GABRB1: variants seen among roughly 807,000 people sequenced by gnomAD.
GABRB1 encodes the protein gamma-aminobutyric acid type A receptor subunit beta1.
A neutral mutation model predicts 51.6 loss-of-function variants in GABRB1; 17 were observed. That is an observed-to-expected ratio of 0.33 (90% CI 0.23 to 0.49). GABRB1 has a LOEUF of 0.49. Ranked by LOEUF, GABRB1 falls within the 20% of genes least tolerant of loss-of-function variation. The probability of loss-of-function intolerance (pLI) is 0.99; values close to 1 mark genes in which losing one functional copy is unlikely to be tolerated. For synonymous variants in GABRB1, 247 were observed against 218.9 expected (o/e 1.13, Z -1.14); for missense variants, 410 against 600.6 (o/e 0.68, Z 3.32).
At chr4:47,174,786 T>G (rs1401505224) in intron 4 of GABRB1, among the ~76,000 whole-genome samples, 3 of 152,120 alleles carry the variant, frequency 2.0e-5, no homozygotes, top group African/African-American at 7.2e-5. Context: ...GGTAGGGTAT[T>G]TCAAAGGCTC....
chr4:47,348,320 A>T (rs1490042985), intron 5 of GABRB1, among the ~76,000 whole-genome samples: 1 of 152,242 alleles, frequency 6.6e-6, no homozygotes, highest in Non-Finnish European at 1.5e-5. Context: ...TTGTTGCAGC[A>T]TATAAACTCA....
intron 1 of GABRB1, among the ~76,000 whole-genome samples, chr4:47,010,156 G>A (rs1724543866): frequency 6.6e-6 from 1 of 152,194 alleles, no homozygotes; most frequent in African/African-American, 2.4e-5. Flanking sequence ...GGCACACACT[G>A]TCTTGTCCTT....
At chr4:47,351,769 A>G (rs1384628417) in intron 5 of GABRB1, among the ~76,000 whole-genome samples, 21 of 151,604 alleles carry the variant, frequency 1.4e-4, no homozygotes, top group African/African-American at 3.4e-4. Flanking sequence ...ATAGTATTCC[A>G]TGGTGTATAT....
In GABRB1 at chr4:47,246,299, TACAC is replaced by T. The variant is rs59187371; in HGVS notation, c.462-73800_462-73797del. ...CATCATATATATATATATATATATATACACACACACACACACACACACACACACA... is the reference window on the plus strand; with the variant it reads ...CATCATATATATATATATATATATATACACACACACACACACACACACACA... On this transcript the variant is annotated intron_variant, in intron 4 of 8. Transcript: ENST00000295454. Among the ~76,000 whole-genome samples the T allele has an allele frequency of 2.8e-3, 235 of 84,090 alleles. 6 individuals carry two copies. The highest frequency in any genetic ancestry group is 3.3e-3 in the South Asian group (8 of 2,420). The allele number at this position is 84,090 out of a possible 152,430, so 55.2% of individuals were successfully genotyped here. A position where few individuals can be genotyped will look rare whatever the true frequency, so the allele number is the denominator to read the frequency against.
intron 3 of GABRB1, among the ~76,000 whole-genome samples, chr4:47,062,300 CT>C (rs76714501): frequency 0.011 from 1,552 of 136,740 alleles, 11 homozygotes; most frequent in African/African-American, 0.029. Context: ...GAAGCAATGT[CT>C]TTTTTTTTTT....
chr4:47,332,437 G>T (rs1725519744), intron 5 of GABRB1, among the ~76,000 whole-genome samples: 2 of 152,110 alleles, frequency 1.3e-5, no homozygotes, highest in Non-Finnish European at 2.9e-5. Context: ...CTTATGAGGG[G>T]TCTTGGATTT....
chr4:47,425,392 C>CAT (rs1729236450), intron 8 of GABRB1, among the ~76,000 whole-genome samples: 1 of 151,228 alleles, frequency 6.6e-6, no homozygotes, highest in African/African-American at 2.4e-5. Context: ...CACACACACA[C>CAT]ACACACACAC....
At chr4:47,309,328 GT>G (rs1254993047) in intron 4 of GABRB1, among the ~76,000 whole-genome samples, 1 of 151,848 alleles carries the variant, frequency 6.6e-6, no homozygotes, top group Non-Finnish European at 1.5e-5. Flanking sequence ...TTATAAAGTG[GT>G]TCATGAATCA....
chr4:47,095,235 A>T (rs911187538), intron 3 of GABRB1, among the ~76,000 whole-genome samples: 4 of 151,946 alleles, frequency 2.6e-5, no homozygotes, highest in African/African-American at 9.7e-5. Context: ...TCATAACACC[A>T]GTTTCCCAAA....
chr4:47,340,154 C>G (rs1725831956), intron 5 of GABRB1, among the ~76,000 whole-genome samples: 1 of 152,092 alleles, frequency 6.6e-6, no homozygotes, highest in African/African-American at 2.4e-5. Flanking sequence ...CTTGGAAAAT[C>G]TGGTGAGGAG....
chr4:47,389,236 G>T lies in GABRB1; in HGVS notation c.545-14082G>T, dbSNP rs370765529. Among the ~76,000 whole-genome samples, 182 of 152,182 alleles carry T rather than the reference G, an allele frequency of 1.2e-3. 6 individuals carry two copies. The South Asian group carries it at 0.035, about 29-fold the overall frequency. On this transcript the variant is annotated intron_variant, in intron 5 of 8. Coordinates refer to ENST00000295454, the MANE Select transcript of GABRB1 (RefSeq NM_000812.4). ...CTAAGTTTCATTATCCCCTTATAAG[G>T]TTATCCCCATCCCCTTCCCTGCTTA...
chr4:47,161,213 A>C (rs1717941700), intron 3 of GABRB1, 36 bp from the exon 4 acceptor site: 1 of 1,289,378 alleles, frequency 7.8e-7, no homozygotes, highest in African/African-American at 1.5e-5. Context: ...ATGATAGTAA[A>C]ATTCTTTTTT....
intron 5 of GABRB1, among the ~76,000 whole-genome samples, chr4:47,392,393 A>C (rs1336652605): frequency 2.0e-5 from 3 of 148,266 alleles, no homozygotes; most frequent in Non-Finnish European, 4.4e-5. Context: ...GGCTGAATGA[A>C]GTGCAATGAC....
chr4:47,186,715 G>A (rs1403514165), intron 4 of GABRB1, among the ~76,000 whole-genome samples: 1 of 151,766 alleles, frequency 6.6e-6, no homozygotes, highest in Non-Finnish European at 1.5e-5. Context: ...TCTACTAAAA[G>A]CAATAGCATC....
At chr4:47,092,161 C>CT (rs1328540176) in intron 3 of GABRB1, among the ~76,000 whole-genome samples, 1,402 of 67,804 alleles carry the variant, frequency 0.021, 177 homozygotes, top group African/African-American at 0.066. Flanking sequence ...TTCTTTCTTT[C>CT]TTTCTTTTTT....
At chr4:47,317,071 G>A (rs971047603) in intron 4 of GABRB1, among the ~76,000 whole-genome samples, 3 of 151,842 alleles carry the variant, frequency 2.0e-5, no homozygotes, top group Admixed American at 6.6e-5. Flanking sequence ...CATTGTAGCA[G>A]GATGTCTTAA....
At chr4:47,365,137 C>G (rs1449702120) in intron 5 of GABRB1, among the ~76,000 whole-genome samples, 1 of 152,178 alleles carries the variant, frequency 6.6e-6, no homozygotes, top group Non-Finnish European at 1.5e-5. Flanking sequence ...CCTTCCACCT[C>G]TCCGGTCCCT....
chr4:47,176,583 G>A (rs1030896876), intron 4 of GABRB1, among the ~76,000 whole-genome samples: 1 of 152,060 alleles, frequency 6.6e-6, no homozygotes, highest in Admixed American at 6.6e-5. Context: ...GCAGAAGTTT[G>A]AGGTCTAAGA....
chr4:47,101,085 A>G (rs1041762711), intron 3 of GABRB1, among the ~76,000 whole-genome samples: 3 of 151,948 alleles, frequency 2.0e-5, no homozygotes, highest in Admixed American at 6.6e-5. Context: ...CCTGCACACA[A>G]TGGAAGTTTT....
Sources: allele counts gnomAD v4.1 joint callset (sites outside exome capture counted in the v4.1 genomes callset), GRCh38; gene constraint gnomAD v4.1.1; transcripts MANE v1.5; gene names NCBI Gene and HGNC (gene_info 2026-07-23, HGNC 2026-07-21).